The following SESN1 variants were observed in gnomAD, a reference collection of about 807,000 sequenced individuals.
SESN1 encodes the protein sestrin 1.
Under a neutral mutation model 59.3 loss-of-function variants are expected in SESN1, and 30 were observed. The observed-to-expected ratio is 0.51, with a 90% CI of 0.38 to 0.69. The LOEUF is 0.69. Ranked by LOEUF, SESN1 falls within the 30% of genes least tolerant of loss-of-function variation. The pLI is 0.00. For synonymous variants in SESN1, 197 were observed against 219.9 expected, an observed-to-expected ratio of 0.90 and a Z score of 0.92; for missense variants, 566 against 673.0, an observed-to-expected ratio of 0.84 and a Z score of 1.76.
intron 1 of SESN1, among the ~76,000 whole-genome samples, chr6:109,075,040 G>C (rs957504420): frequency 6.6e-6 from 1 of 152,178 alleles, no homozygotes; most frequent in Non-Finnish European, 1.5e-5. Flanking sequence ...CACTGGGGTA[G>C]AGCATCTATT....
chr6:109,026,680 T>C (rs1327788194), intron 1 of SESN1, among the ~76,000 whole-genome samples: 2 of 152,054 alleles, frequency 1.3e-5, no homozygotes, highest in African/African-American at 4.8e-5. Context: ...AATTTTTGTA[T>C]TTTTAGTAGC....
chr6:109,082,823 C>G (rs980349707), intron 1 of SESN1, among the ~76,000 whole-genome samples: 1 of 152,134 alleles, frequency 6.6e-6, no homozygotes, highest in Non-Finnish European at 1.5e-5. Flanking sequence ...AAGTCAATCA[C>G]GTAAAAATCA....
chr6:108,990,751 T>C lies in SESN1; in HGVS notation c.1318A>G (p.Ile440Val), dbSNP rs746187351. 3 of 1,614,138 alleles carry C rather than the reference T, an allele frequency of 1.9e-6. No homozygotes were observed. In the South Asian group the frequency reaches 3.3e-5, roughly 18 times the overall value. The part of the protein sequence containing the change: ...VGQLIDEKFH[I>V]AYNLTYNTMA... ...GTATTATAAGTAAGATTGTAAGCAA[T>C]GTGAAATTTTTCATCAATCAACTGT... is the stretch of plus-strand genomic sequence containing the variant. The change falls in exon 8 of 10, where the codon ATT becomes GTT. Residue 440 changes from isoleucine (I) to valine (V), a missense_variant. Physicochemically the swap from Ile to Val is conservative, Grantham distance 29. Coordinates refer to ENST00000436639, the MANE Select transcript of SESN1 (RefSeq NM_014454.3).
At chr6:109,019,782 T>C (rs1034570581) in intron 1 of SESN1, among the ~76,000 whole-genome samples, 3 of 152,354 alleles carry the variant, frequency 2.0e-5, no homozygotes, top group African/African-American at 7.2e-5. Flanking sequence ...GGTTTTAAAA[T>C]AATGCATTTG....
rs1779224858 is a variant in SESN1 at position 108,987,289 on chromosome 6, A to G, written c.*255T>C. On this transcript the variant is annotated 3_prime_UTR_variant, in exon 10 of 10. Coordinates refer to ENST00000436639, the MANE Select transcript of SESN1 (RefSeq NM_014454.3). ...ATTTGCTGTATTAAAACAGTTACACAGCATCTTGTACTGTCAAAAAGCAAA... is the reference window on the plus strand; with the variant it reads ...ATTTGCTGTATTAAAACAGTTACACGGCATCTTGTACTGTCAAAAAGCAAA... 1 of 365,738 alleles carries G rather than the reference A, an allele frequency of 2.7e-6. No individual in the cohort carries two copies. Among genetic ancestry groups the G allele is most frequent in the Non-Finnish European group, 4.9e-6 (1 of 204,502 alleles). 22.7% of individuals were successfully genotyped at this position (365,738 alleles called of 1,614,324 possible).
chr6:109,052,429 T>G (rs974671207), intron 1 of SESN1, among the ~76,000 whole-genome samples: 1 of 152,172 alleles, frequency 6.6e-6, no homozygotes, highest in Non-Finnish European at 1.5e-5. Context: ...AGAAAGCCAC[T>G]GCTATTATAA....
rs537451856 is a variant in SESN1 at position 108,985,190 on chromosome 6, T to C, written c.*2354A>G. Among the ~76,000 whole-genome samples the C allele has an allele frequency of 1.2e-4, 18 of 152,330 alleles. No individual in the cohort carries two copies. The East Asian group carries it at 2.7e-3, about 23-fold the overall frequency. On this transcript the variant is annotated 3_prime_UTR_variant, in exon 10 of 10. Coordinates refer to ENST00000436639, the MANE Select transcript of SESN1 (RefSeq NM_014454.3). ...GTGCTTATCCAACAAGTTTTACTTA[T>C]CTACTTATCTCCTGGTGGTCTGTAT...
chr6:109,054,446 A>C (rs1780595384), intron 1 of SESN1, among the ~76,000 whole-genome samples: 1 of 152,298 alleles, frequency 6.6e-6, no homozygotes, highest in Non-Finnish European at 1.5e-5. Flanking sequence ...TCTATTGTGA[A>C]GAAATATTAT....
At chr6:109,093,042 A>G (rs1781354754) in intron 1 of SESN1, among the ~76,000 whole-genome samples, 1 of 152,220 alleles carries the variant, frequency 6.6e-6, no homozygotes, top group Non-Finnish European at 1.5e-5. Context: ...AATATTGTCA[A>G]TATCTAAAAA....
intron 1 of SESN1, among the ~76,000 whole-genome samples, chr6:109,038,484 GC>G (rs36076724): frequency 0.2 from 30,255 of 152,108 alleles, 3,730 homozygotes; most frequent in African/African-American, 0.34. Context: ...GTAAGACAAA[GC>G]CAAGACTTGT....
chr6:108,995,791 GA>G (rs562083192), intron 5 of SESN1, among the ~76,000 whole-genome samples: 1 of 151,234 alleles, frequency 6.6e-6, no homozygotes, highest in African/African-American at 2.4e-5. Flanking sequence ...CTCAAAAAGA[GA>G]AAAAAAAGTC....
intron 1 of SESN1, among the ~76,000 whole-genome samples, chr6:109,044,290 T>C (rs1417932648): frequency 9.6e-6 from 1 of 104,280 alleles, no homozygotes; most frequent in African/African-American, 3.9e-5. Flanking sequence ...CCAGCCTAGA[T>C]GACACAGTGA....
intron 1 of SESN1, among the ~76,000 whole-genome samples, chr6:109,036,418 C>A (rs1780248678): frequency 6.6e-6 from 1 of 152,086 alleles, no homozygotes; most frequent in Non-Finnish European, 1.5e-5. Context: ...TCATTCTTTG[C>A]CTAATAAAAG....
chr6:108,993,685 T>C (rs1779440468), intron 6 of SESN1, among the ~76,000 whole-genome samples: 1 of 152,192 alleles, frequency 6.6e-6, no homozygotes, highest in South Asian at 2.1e-4. Flanking sequence ...AGGTTAAACA[T>C]AGAGGATTTA....
chr6:109,009,100 C>A, intron 1 of SESN1: 1 of 776,702 alleles, frequency 1.3e-6, no homozygotes, highest in East Asian at 3.8e-5. Flanking sequence ...GCAGTCTCTC[C>A]CAGCTTAGCA....
In SESN1 at chr6:108,986,296, T is replaced by TCCTCTTTGTATGTTTC. The variant is rs1434983265; in HGVS notation, c.*1232_*1247dup. On this transcript the variant is annotated 3_prime_UTR_variant, in exon 10 of 10. Coordinates refer to ENST00000436639, the MANE Select transcript of SESN1 (RefSeq NM_014454.3). ...AGATAAGATTCTAAAGAAAGTCCACTCCTCTTTGTATGTTTCAAAATGGCT... is the reference window on the plus strand; with the variant it reads ...AGATAAGATTCTAAAGAAAGTCCACTCCTCTTTGTATGTTTCCCTCTTTGTATGTTTCAAAATGGCT... The TCCTCTTTGTATGTTTC allele has an allele frequency of 6.6e-6, 1 of 152,448 alleles. No homozygotes were observed. The highest frequency in any genetic ancestry group is 1.5e-5 in the Non-Finnish European group (1 of 68,032). 9.4% of individuals were successfully genotyped at this position (152,448 alleles called of 1,614,324 possible).
intron 1 of SESN1, among the ~76,000 whole-genome samples, chr6:109,007,610 T>C (rs1207925795): frequency 6.6e-6 from 1 of 152,112 alleles, no homozygotes; most frequent in Non-Finnish European, 1.5e-5. Context: ...CTCGCCCTTC[T>C]CTGGGAGATT....
intron 1 of SESN1, among the ~76,000 whole-genome samples, chr6:109,069,060 G>A (rs1262379174): frequency 6.6e-6 from 1 of 152,076 alleles, no homozygotes. Context: ...AGCATCTTAA[G>A]TTCCCAGAAT....
rs554496869 is a variant in SESN1, at chr6:109,005,639, G to C, written c.280-3296C>G. On this transcript the variant is annotated intron_variant, in intron 1 of 9. Transcript: ENST00000436639. ...CCTATATTTATGGCAAGGGTTCTAT[G>C]TAATTCTTGTCTTTGTAAGTCCATC... is the stretch of plus-strand genomic sequence containing the variant. Among the ~76,000 whole-genome samples the C allele has an allele frequency of 1.9e-3, 289 of 152,262 alleles. 1 individual carries two copies. Among genetic ancestry groups the C allele is most frequent in the African/African-American group, 6.6e-3 (275 of 41,550 alleles).
Sources: gnomAD v4.1 joint callset for allele counts (sites outside exome capture counted in the v4.1 genomes callset) on GRCh38, gnomAD v4.1.1 for gene constraint, MANE v1.5 for transcripts, NCBI Gene and HGNC (gene_info 2026-07-23, HGNC 2026-07-21) for gene names.